Variants in ZNF521 observed in about 807,000 individuals in gnomAD.
The protein encoded by ZNF521 is LYST-interacting protein 3.
A neutral mutation model predicts 105.5 loss-of-function variants in ZNF521; 14 were observed. The ratio of observed to expected loss-of-function variants is 0.13; its 90% CI spans 0.09 to 0.21. The LOEUF (loss-of-function observed/expected upper bound fraction) is 0.21. Among genes scored for constraint, ZNF521 ranks in the 10% least tolerant of loss-of-function variants. ZNF521 has a pLI of 1.00. For synonymous variants in ZNF521, 635 were observed against 606.0 expected (o/e 1.05, Z -0.70); for missense variants, 1,233 against 1,629.7 (o/e 0.76, Z 4.19).
chr18:25,156,728 G>A (rs1407181821), intron 5 of ZNF521, among the ~76,000 whole-genome samples: 2 of 152,004 alleles, frequency 1.3e-5, no homozygotes, highest in African/African-American at 2.4e-5. Flanking sequence ...ACCTAAGAAT[G>A]AAAAATATAT....
At chr18:25,120,588 A>AAC (rs1567970521) in intron 5 of ZNF521, among the ~76,000 whole-genome samples, 2 of 45,870 alleles carry the variant, frequency 4.4e-5, no homozygotes, top group Non-Finnish European at 5.8e-5. Context: ...CATCTAAAAA[A>AAC]AAAAAAAAAA....
intron 5 of ZNF521, among the ~76,000 whole-genome samples, chr18:25,165,866 T>TTCTA (rs1250540014): frequency 1.3e-5 from 2 of 152,234 alleles, no homozygotes; most frequent in Non-Finnish European, 2.9e-5. Flanking sequence ...CTAGCACATG[T>TTCTA]GCATAAGAAA....
At chr18:25,333,337 C>T (rs1372329358) in intron 2 of ZNF521, among the ~76,000 whole-genome samples, 1 of 149,406 alleles carries the variant, frequency 6.7e-6, no homozygotes, top group African/African-American at 2.4e-5. Context: ...TATATATACA[C>T]ACATATATAT....
chr18:25,168,800 AGTG>A (rs2035395436), intron 5 of ZNF521, among the ~76,000 whole-genome samples: 1 of 152,154 alleles, frequency 6.6e-6, no homozygotes, highest in Non-Finnish European at 1.5e-5. Flanking sequence ...TGTCTATGTC[AGTG>A]TGACCTGATC....
At chr18:25,152,463 A>G (rs1166023254) in intron 5 of ZNF521, among the ~76,000 whole-genome samples, 1 of 150,890 alleles carries the variant, frequency 6.6e-6, no homozygotes, top group African/African-American at 2.5e-5. Flanking sequence ...TGGGCAACAG[A>G]GCGAGACTCG....
intron 3 of ZNF521, among the ~76,000 whole-genome samples, chr18:25,268,613 G>A (rs1909430225): frequency 6.6e-6 from 1 of 152,204 alleles, no homozygotes; most frequent in African/African-American, 2.4e-5. Context: ...GAAGATAGTG[G>A]GGGCCAATAT....
chr18:25,322,213 T>C, intron 2 of ZNF521, 26 bp from the exon 3 acceptor site: 1 of 1,610,212 alleles, frequency 6.2e-7, no homozygotes, highest in Non-Finnish European at 8.5e-7. Flanking sequence ...ACTGTAAGTA[T>C]GGGGTTTAAA....
At chr18:25,150,081 AT>A (rs1185714549) in intron 5 of ZNF521, among the ~76,000 whole-genome samples, 2 of 152,208 alleles carry the variant, frequency 1.3e-5, no homozygotes, top group Non-Finnish European at 2.9e-5. Flanking sequence ...TAATAACTAA[AT>A]GAGTACAGGT....
rs1239522670 is a variant in ZNF521 at position 25,074,054 on chromosome 18, ATGTGTGCGCACGCGTGTGTGCGTGCG to A, written c.3907-11339_3907-11314del. Among the ~76,000 whole-genome samples the A allele has an allele frequency of 2.8e-5, 4 of 144,822 alleles. No individual in the cohort carries two copies. The East Asian group carries it at 7.9e-4, about 29-fold the overall frequency. Reference sequence around the variant, plus strand: ...TGCGTGCATGTGTGTGTCTGTGCACATGTGTGCGCACGCGTGTGTGCGTGCGTGTGTGCACGCGCACGGGAATATGC... The same window carrying A: ...TGCGTGCATGTGTGTGTCTGTGCACATGTGTGCACGCGCACGGGAATATGC... On this transcript the variant is annotated intron_variant, in intron 7 of 7. Transcript: ENST00000361524.
intron 3 of ZNF521, among the ~76,000 whole-genome samples, chr18:25,295,227 G>A (rs1301334279): frequency 6.6e-6 from 1 of 152,036 alleles, no homozygotes; most frequent in African/African-American, 2.4e-5. Context: ...GTTTTGCCTA[G>A]TTTTGAAGTC....
Position 25,224,947 on chromosome 18 carries a change from G to A in ZNF521, c.2971C>T (p.Arg991Trp), listed in dbSNP as rs201558258. Reference protein sequence around the residue: ...HSKSLDTGNCRICKMPLQSEE... With the variant: ...HSKSLDTGNCWICKMPLQSEE... ...CTCTGGAGAGGCATCTTGCAAATCC[G>A]GCAGTTTCCAGTATCAAGACTCTTA... The change falls in exon 4 of 8, where the codon CGG becomes TGG. Residue 991 changes from arginine (R) to tryptophan (W), a missense_variant. Arg to Trp is a moderately radical substitution (Grantham distance 101). Around this residue, in one of 6 missense-constraint regions of ZNF521, gnomAD observed 614 missense variants for 751.5 expected, o/e 0.82. Transcript: ENST00000361524. 61 of 1,613,702 alleles carry A rather than the reference G, an allele frequency of 3.8e-5. No individual in the cohort carries two copies. The highest frequency in any genetic ancestry group is 5.1e-5 in the Non-Finnish European group (60 of 1,180,016).
chr18:25,248,198 G>T (rs1907861628), intron 3 of ZNF521, among the ~76,000 whole-genome samples: 1 of 152,144 alleles, frequency 6.6e-6, no homozygotes, highest in Admixed American at 6.6e-5. Flanking sequence ...TTTTGGCTGG[G>T]TTAGAACAAA....
chr18:25,187,115 G>A (rs1327490688), intron 5 of ZNF521, among the ~76,000 whole-genome samples: 4 of 151,912 alleles, frequency 2.6e-5, no homozygotes, highest in African/African-American at 4.8e-5. Context: ...TAGATAAACC[G>A]CTAGAAAAAT....
chr18:25,332,624 A>G (rs374032716), intron 2 of ZNF521, among the ~76,000 whole-genome samples: 1 of 152,192 alleles, frequency 6.6e-6, no homozygotes, highest in South Asian at 2.1e-4. Flanking sequence ...AACAAAGATA[A>G]TATAAGAGCA....
chr18:25,351,093 G>C, intron 1 of ZNF521, 146 bp from the exon 2 acceptor site: 1 of 365,054 alleles, frequency 2.7e-6, no homozygotes, highest in Non-Finnish European at 3.9e-6. Context: ...TCCTCGCTCC[G>C]GCTCCGGCTC....
chr18:25,206,303 C>T (rs530190339), intron 4 of ZNF521, among the ~76,000 whole-genome samples: 7 of 152,208 alleles, frequency 4.6e-5, no homozygotes, highest in Middle Eastern at 6.8e-3. Context: ...CCAGAGCCAC[C>T]GCGCCCGGCC....
rs116858187 is a variant in ZNF521 at position 25,135,220 on chromosome 18, T to C, written c.3659-43139A>G. On this transcript the variant is annotated intron_variant, in intron 5 of 7. Transcript: ENST00000361524. ...GGAGGGGGAAAGAAAAGAGAAACAT[T>C]TTAAATGGCTTCTTTACCTTATTTT... is the stretch of plus-strand genomic sequence containing the variant. Among the ~76,000 whole-genome samples the C allele has an allele frequency of 2.6e-5, 4 of 152,132 alleles. No homozygotes were observed. The East Asian group carries it at 7.7e-4, about 29-fold the overall frequency.
intron 4 of ZNF521, among the ~76,000 whole-genome samples, chr18:25,223,615 T>C (rs1177924384): frequency 6.6e-6 from 1 of 151,942 alleles, no homozygotes; most frequent in Admixed American, 6.6e-5. Context: ...ACTTATGAAA[T>C]GATTTCATTA....
At chr18:25,301,780 T>C (rs1222180469) in intron 3 of ZNF521, among the ~76,000 whole-genome samples, 1 of 152,170 alleles carries the variant, frequency 6.6e-6, no homozygotes, top group Non-Finnish European at 1.5e-5. Flanking sequence ...AGGGGATGTT[T>C]GCAGAGTCCA....
Sources: allele counts gnomAD v4.1 joint callset (sites outside exome capture counted in the v4.1 genomes callset), GRCh38; gene constraint gnomAD v4.1.1; regional missense constraint gnomAD v4.1.1; transcripts MANE v1.5; gene names NCBI Gene and HGNC (gene_info 2026-07-23, HGNC 2026-07-21).